NRG1: variants seen among roughly 807,000 people sequenced by gnomAD.
NRG1 encodes the protein pro-neuregulin-1, membrane-bound isoform.
Under a neutral mutation model 63.8 loss-of-function variants are expected in NRG1, and 18 were observed. That is an observed-to-expected ratio of 0.28 (90% CI 0.19 to 0.42). The LOEUF is 0.42. NRG1 is among the 10% of genes least tolerant of loss of function. The pLI is 1.00. For missense variants in NRG1, 762 were observed against 814.7 expected (o/e 0.94, Z 0.79); for synonymous variants, 302 against 301.3 (o/e 1.00, Z -0.02).
chr8:32,725,464 A>ATTTTTTT (rs71209904), intron 5 of NRG1, among the ~76,000 whole-genome samples: 1,069 of 67,592 alleles, frequency 0.016, 54 homozygotes, highest in East Asian at 0.023. Flanking sequence ...AAACTTCCTA[A>ATTTTTTT]TTTTTTTTTT....
At chr8:32,318,497 C>G (rs988804147) in intron 1 of NRG1, among the ~76,000 whole-genome samples, 9 of 152,096 alleles carry the variant, frequency 5.9e-5, no homozygotes, top group African/African-American at 1.9e-4. Flanking sequence ...GTGACTTAAC[C>G]TGTAACAGGC....
chr8:32,331,363 T>TAGAAA (rs1408726998), intron 1 of NRG1, among the ~76,000 whole-genome samples: 2 of 8,424 alleles, frequency 2.4e-4, no homozygotes, highest in Non-Finnish European at 2.3e-4. Flanking sequence ...CTACAAAAAA[T>TAGAAA]ACAAAAAAAA....
At chr8:32,191,323 T>C (rs1460198739) in intron 1 of NRG1, among the ~76,000 whole-genome samples, 1 of 152,092 alleles carries the variant, frequency 6.6e-6, no homozygotes, top group Non-Finnish European at 1.5e-5. Context: ...CAAGTGATTC[T>C]CCTGCCTTGG....
At chr8:32,644,379 C>T (rs1458832560) in intron 5 of NRG1, among the ~76,000 whole-genome samples, 4 of 152,094 alleles carry the variant, frequency 2.6e-5, no homozygotes, top group African/African-American at 9.7e-5. Flanking sequence ...AAATTCTGAC[C>T]TCTAACCCCA....
intron 1 of NRG1, among the ~76,000 whole-genome samples, chr8:32,392,308 T>C (rs113192839): frequency 6.6e-6 from 1 of 152,224 alleles, no homozygotes; most frequent in Non-Finnish European, 1.5e-5. Flanking sequence ...AAGCCCTTTA[T>C]TGAAACATTT....
At chr8:32,444,228 C>G (rs574479641) in intron 1 of NRG1, among the ~76,000 whole-genome samples, 1 of 152,228 alleles carries the variant, frequency 6.6e-6, no homozygotes, top group Admixed American at 6.5e-5. Flanking sequence ...AAGGGATCCT[C>G]CCGCCTCAGC....
intron 1 of NRG1, among the ~76,000 whole-genome samples, chr8:31,844,555 C>A (rs1167961822): frequency 1.3e-5 from 2 of 152,138 alleles, no homozygotes; most frequent in Non-Finnish European, 2.9e-5. Flanking sequence ...GAAATGAAAT[C>A]CTCCGAAGGG....
intron 1 of NRG1, among the ~76,000 whole-genome samples, chr8:32,048,287 A>G (rs945695417): frequency 6.6e-6 from 1 of 150,726 alleles, no homozygotes; most frequent in Non-Finnish European, 1.5e-5. Flanking sequence ...GTATACATAC[A>G]TGTACATATA....
At chr8:31,900,705 C>T (rs1291049280) in intron 1 of NRG1, among the ~76,000 whole-genome samples, 2 of 152,146 alleles carry the variant, frequency 1.3e-5, no homozygotes, top group South Asian at 2.1e-4. Flanking sequence ...TGCTTCGTGG[C>T]GTATATAAAC....
intron 1 of NRG1, among the ~76,000 whole-genome samples, chr8:32,509,776 T>C (rs73678405): frequency 0.031 from 4,659 of 152,278 alleles, 272 homozygotes; most frequent in African/African-American, 0.11. Context: ...ACCTCTCCAC[T>C]TTCCACCTTC....
chr8:32,328,909 T>A (rs1563320659), intron 1 of NRG1, among the ~76,000 whole-genome samples: 1 of 149,806 alleles, frequency 6.7e-6, no homozygotes. Flanking sequence ...AGTGCATGAC[T>A]GTGACGTGGA....
At chr8:31,789,783 A>G (rs1820522775) in intron 1 of NRG1, among the ~76,000 whole-genome samples, 1 of 152,186 alleles carries the variant, frequency 6.6e-6, no homozygotes, top group Non-Finnish European at 1.5e-5. Flanking sequence ...CTATAAGAAT[A>G]TGATCACTTA....
intron 5 of NRG1, among the ~76,000 whole-genome samples, chr8:32,700,830 T>A (rs1002723998): frequency 2.0e-5 from 3 of 152,186 alleles, no homozygotes; most frequent in African/African-American, 7.2e-5. Flanking sequence ...CCCTGATTCC[T>A]TTTCATCCCC....
At chr8:31,906,032 T>C (rs1340331342) in intron 1 of NRG1, among the ~76,000 whole-genome samples, 1 of 152,206 alleles carries the variant, frequency 6.6e-6, no homozygotes, top group Non-Finnish European at 1.5e-5. Context: ...ACTCCCAAAC[T>C]TACCAGCTTA....
Position 31,802,195 on chromosome 8 carries a change from C to T in NRG1, c.37+162764C>T, listed in dbSNP as rs548739018. On this transcript the variant is annotated intron_variant, in intron 1 of 10. Transcript: ENST00000519301. ...GTCGTCTATTACCCAGTGTTCTTTTCGGAAAATATTTTTAAAGTTAATTAT... is the reference window on the plus strand; with the variant it reads ...GTCGTCTATTACCCAGTGTTCTTTTTGGAAAATATTTTTAAAGTTAATTAT... Among the ~76,000 whole-genome samples, 391 of 152,250 alleles carry T rather than the reference C, an allele frequency of 2.6e-3. 2 individuals are homozygous for T. The highest frequency in any genetic ancestry group is 3.5e-3 in the Non-Finnish European group (238 of 68,020).
At chr8:31,876,539 G>A (rs1829937795) in intron 1 of NRG1, among the ~76,000 whole-genome samples, 1 of 152,038 alleles carries the variant, frequency 6.6e-6, no homozygotes, top group Non-Finnish European at 1.5e-5. Flanking sequence ...TGAATAAATG[G>A]GTGAATGGAA....
intron 1 of NRG1, among the ~76,000 whole-genome samples, chr8:31,874,101 GGCACAATTT>G (rs1829719422): frequency 1.3e-5 from 2 of 152,084 alleles, no homozygotes; most frequent in South Asian, 2.1e-4. Flanking sequence ...CTGCGTTTAG[GGCACAATTT>G]TCATTTTATG....
intron 1 of NRG1, among the ~76,000 whole-genome samples, chr8:31,641,039 G>T (rs1803720354): frequency 6.6e-6 from 1 of 152,226 alleles, no homozygotes; most frequent in East Asian, 1.9e-4. Context: ...CTTTCTTGTG[G>T]GTGATATGAA....
At chr8:32,336,416 C>T (rs183227964) in intron 1 of NRG1, among the ~76,000 whole-genome samples, 2 of 151,906 alleles carry the variant, frequency 1.3e-5, no homozygotes, top group East Asian at 3.9e-4. Context: ...CATGGGTAGA[C>T]CTGAGGCTGT....
Sources: allele counts gnomAD v4.1 joint callset (sites outside exome capture counted in the v4.1 genomes callset), GRCh38; gene constraint gnomAD v4.1.1; transcripts MANE v1.5; gene names NCBI Gene and HGNC (gene_info 2026-07-23, HGNC 2026-07-21).